The following GFPT2 variants were observed in gnomAD, a reference collection of about 807,000 sequenced individuals.
GFPT2 encodes the protein glutamine--fructose-6-phosphate transaminase 2.
A neutral mutation model predicts 85.6 loss-of-function variants in GFPT2; 62 were observed. The ratio of observed to expected loss-of-function variants is 0.72; its 90% CI spans 0.59 to 0.90. GFPT2 has a LOEUF of 0.90. Among genes scored for constraint, GFPT2 ranks in the 40% least tolerant of loss-of-function variants. The probability of loss-of-function intolerance (pLI) is 0.00; values close to 1 mark genes in which losing one functional copy is unlikely to be tolerated. For synonymous variants in GFPT2, 368 were observed against 344.5 expected, an observed-to-expected ratio of 1.07 and a Z score of -0.75; for missense variants, 788 against 893.4, an observed-to-expected ratio of 0.88 and a Z score of 1.50.
At chr5:180,308,679 C>T (rs1486266486) in intron 15 of GFPT2, among the ~76,000 whole-genome samples, 1 of 152,124 alleles carries the variant, frequency 6.6e-6, no homozygotes, top group Non-Finnish European at 1.5e-5. Flanking sequence ...TATCAATAAA[C>T]TTTTTCTACT....
intron 2 of GFPT2, among the ~76,000 whole-genome samples, 178 bp from the exon 3 acceptor site, chr5:180,336,755 A>C (rs1015291474): frequency 4.6e-5 from 7 of 152,238 alleles, no homozygotes; most frequent in African/African-American, 1.7e-4. Context: ...GCCAGGCTTA[A>C]CAGCAAGTGA....
At position 180,330,899 on chromosome 5, in the gene GFPT2, C is replaced by A; in HGVS notation, c.400-65G>T. 1 of 1,433,800 alleles carries A rather than the reference C, an allele frequency of 7.0e-7. No homozygotes were observed. The highest frequency in any genetic ancestry group is 2.3e-5 in the East Asian group (1 of 43,412). 88.8% of individuals were successfully genotyped at this position (1,433,800 alleles called of 1,614,324 possible). On this transcript the variant is annotated intron_variant, in intron 5 of 18. Coordinates refer to ENST00000253778, the MANE Select transcript of GFPT2 (RefSeq NM_005110.4). The surrounding 1 kb of genome is among the most constrained non-coding windows in gnomAD (Gnocchi z 4.4). ...TGCACAATGCCTGCCTGGCCAACTC[C>A]CTCTCCTCCCTGGTGATCTGCCCTT...
At chr5:180,310,903 T>C (rs997747584) in intron 15 of GFPT2, among the ~76,000 whole-genome samples, 8 of 151,550 alleles carry the variant, frequency 5.3e-5, no homozygotes, top group African/African-American at 1.7e-4. Flanking sequence ...TGAACAATTT[T>C]GTTCAAAGGG....
At chr5:180,308,675 T>C (rs1368959671) in intron 15 of GFPT2, among the ~76,000 whole-genome samples, 1 of 152,224 alleles carries the variant, frequency 6.6e-6, no homozygotes, top group Non-Finnish European at 1.5e-5. Flanking sequence ...ATCCTATCAA[T>C]AAACTTTTTC....
chr5:180,316,217 C>T, intron 13 of GFPT2, 124 bp downstream of exon 13: 1 of 938,992 alleles, frequency 1.1e-6, no homozygotes, highest in Non-Finnish European at 1.6e-6. Flanking sequence ...GGTTAAATGA[C>T]CGCTGCAAGA....
chr5:180,339,154 T>C (rs1225555591), intron 1 of GFPT2, among the ~76,000 whole-genome samples: 3 of 151,886 alleles, frequency 2.0e-5, no homozygotes, highest in Admixed American at 2.0e-4. Context: ...CCGAGGTGGG[T>C]GGATCACCTG....
At chr5:180,319,995 T>G (rs1412764857) in intron 9 of GFPT2, among the ~76,000 whole-genome samples, 1 of 152,106 alleles carries the variant, frequency 6.6e-6, no homozygotes, top group South Asian at 2.1e-4. Context: ...ATTGTGTTTA[T>G]TTATTTATTT....
intron 1 of GFPT2, chr5:180,352,818 C>T (rs1181367638): frequency 6.1e-6 from 2 of 329,646 alleles, no homozygotes; most frequent in South Asian, 2.6e-5. Flanking sequence ...ATGCGCCGGC[C>T]TGCGCGTGGC....
intron 4 of GFPT2, 56 bp from the exon 5 acceptor site, chr5:180,331,609 G>A (rs1225189087): frequency 4.0e-6 from 4 of 997,530 alleles, no homozygotes; most frequent in Non-Finnish European, 6.4e-6. Flanking sequence ...TGTCAGATGT[G>A]AAGAGAGATG....
intron 15 of GFPT2, among the ~76,000 whole-genome samples, chr5:180,308,075 T>C (rs1238179831): frequency 6.6e-6 from 1 of 152,006 alleles, no homozygotes; most frequent in Non-Finnish European, 1.5e-5. Context: ...GCTAACATGG[T>C]GAGACCTGGT....
chr5:180,340,966 A>G (rs1764504343), intron 1 of GFPT2, among the ~76,000 whole-genome samples: 1 of 152,144 alleles, frequency 6.6e-6, no homozygotes, highest in African/African-American at 2.4e-5. Flanking sequence ...TCAGGCCACA[A>G]CAGCGACTCG....
chr5:180,324,250 G>A lies in GFPT2; in HGVS notation c.732C>T (p.Ser244=), dbSNP rs1321133891. 1.1e-5 allele frequency: 18 copies of A among 1,613,172 alleles called. No individual in the cohort carries two copies. The highest frequency in any genetic ancestry group is 1.4e-5 in the Non-Finnish European group (16 of 1,179,264). ...CGCCCACAGCATGCAGGCAGGCGGA[G>A]CTGTCCAGCCTCTTCATCCGTGTCT... is the stretch of plus-strand genomic sequence containing the variant. ...ICKTRMKRLD[S]SACLHAVGDK... Residue 244 remains serine (S), a synonymous_variant, in exon 9 of 19, where the codon AGC becomes AGT. Coordinates refer to ENST00000253778, the MANE Select transcript of GFPT2 (RefSeq NM_005110.4).
At chr5:180,352,552 G>T (rs1225080330) in intron 1 of GFPT2, 2 of 448,016 alleles carry the variant, frequency 4.5e-6, no homozygotes, top group Non-Finnish European at 8.9e-6. Context: ...CCCCGCCCCG[G>T]ACTCCCTCTC....
chr5:180,324,378 T>C (rs1410352721), intron 8 of GFPT2, 73 bp from the exon 9 acceptor site: 3 of 889,724 alleles, frequency 3.4e-6, no homozygotes, highest in African/African-American at 1.7e-5. Context: ...AAGGAACCAA[T>C]TTCCCCTCTG....
chr5:180,317,073 G>A lies in GFPT2; in HGVS notation c.959-15C>T, dbSNP rs761856671. ...ACTGAAGTTACCTGGTCAAATAAAC[G>A]TCTGGTCAGTTTTAATTTCATTATA... is the stretch of plus-strand genomic sequence containing the variant. On this transcript the variant is annotated splice_polypyrimidine_tract_variant and intron_variant, in intron 10 of 18. Transcript: ENST00000253778. 2.5e-5 allele frequency: 36 copies of A among 1,459,766 alleles called. No individual in the cohort carries two copies. Among genetic ancestry groups the A allele is most frequent in the South Asian group, 1.2e-4 (11 of 88,138 alleles). 90.4% of individuals were successfully genotyped at this position (1,459,766 alleles called of 1,614,324 possible).
At chr5:180,312,071 G>A (rs1763901033) in intron 15 of GFPT2, among the ~76,000 whole-genome samples, 1 of 90,662 alleles carries the variant, frequency 1.1e-5, no homozygotes, top group South Asian at 4.5e-4. Flanking sequence ...GGGAGGCGGG[G>A]AGGCTGAGGA....
chr5:180,307,995 G>A (rs1042217468), intron 15 of GFPT2, among the ~76,000 whole-genome samples: 10 of 152,074 alleles, frequency 6.6e-5, no homozygotes, highest in Admixed American at 2.6e-4. Flanking sequence ...GGTGGCTCAC[G>A]CCTGTAATCC....
At chr5:180,348,732 C>CTT (rs11322913) in intron 1 of GFPT2, among the ~76,000 whole-genome samples, 7 of 139,806 alleles carry the variant, frequency 5.0e-5, no homozygotes, top group South Asian at 2.3e-4. Flanking sequence ...CATTTCTTTT[C>CTT]TTTTTTTTTT....
chr5:180,333,945 A>C (rs969506056), intron 4 of GFPT2, among the ~76,000 whole-genome samples: 10 of 152,128 alleles, frequency 6.6e-5, no homozygotes, highest in South Asian at 2.1e-4. Context: ...GGCTGTGGCT[A>C]AAGTGGCAAC....
Sources: allele counts gnomAD v4.1 joint callset (sites outside exome capture counted in the v4.1 genomes callset), GRCh38; gene constraint gnomAD v4.1.1; non-coding constraint Gnocchi (gnomAD v3.1); transcripts MANE v1.5; gene names NCBI Gene and HGNC (gene_info 2026-07-23, HGNC 2026-07-21).